Variants in NCALD observed in about 807,000 individuals in gnomAD.
NCALD encodes neurocalcin delta, also known as neurocalcin-delta.
In NCALD, 10 loss-of-function variants were observed where a neutral mutation model predicts 18.6. That is an observed-to-expected ratio of 0.54 (90% CI 0.33 to 0.91). The LOEUF (loss-of-function observed/expected upper bound fraction) is 0.91. Among genes scored for constraint, NCALD ranks in the 40% least tolerant of loss-of-function variants. The pLI is 0.03. For synonymous variants in NCALD, 88 were observed against 87.4 expected (o/e 1.01, Z -0.04); for missense variants, 184 against 247.6 (o/e 0.74, Z 1.72).
chr8:101,988,276 GAA>G (rs1474614035), intron 2 of NCALD, among the ~76,000 whole-genome samples: 1 of 151,566 alleles, frequency 6.6e-6, no homozygotes, highest in Admixed American at 6.6e-5. Flanking sequence ...TGGAAAATCT[GAA>G]AAGTGTTATA....
At chr8:101,744,907 G>C (rs192893120) in intron 1 of NCALD, among the ~76,000 whole-genome samples, 1 of 152,110 alleles carries the variant, frequency 6.6e-6, no homozygotes, top group East Asian at 1.9e-4. Flanking sequence ...GAGAAATCCT[G>C]ACTTAAATAA....
At chr8:101,937,426 TA>T (rs1422330450) in intron 2 of NCALD, among the ~76,000 whole-genome samples, 1 of 152,172 alleles carries the variant, frequency 6.6e-6, no homozygotes, top group African/African-American at 2.4e-5. Flanking sequence ...CACTTATAAG[TA>T]AAAATGTGGC....
intron 2 of NCALD, among the ~76,000 whole-genome samples, chr8:101,964,355 C>A (rs1819945432): frequency 6.6e-6 from 1 of 152,032 alleles, no homozygotes; most frequent in Non-Finnish European, 1.5e-5. Context: ...AACCAATAAC[C>A]CTCTGATTTC....
chr8:101,951,508 C>A (rs1290616141), intron 2 of NCALD, among the ~76,000 whole-genome samples: 2 of 152,188 alleles, frequency 1.3e-5, no homozygotes, highest in Non-Finnish European at 1.5e-5. Flanking sequence ...AGACTTCCTG[C>A]TCAACTCTGC....
intron 2 of NCALD, among the ~76,000 whole-genome samples, chr8:101,923,106 T>C (rs1014979775): frequency 6.6e-6 from 1 of 152,172 alleles, no homozygotes; most frequent in African/African-American, 2.4e-5. Context: ...CATTTGGCCC[T>C]TTTTGTCCTT....
intron 2 of NCALD, among the ~76,000 whole-genome samples, chr8:101,696,371 C>T (rs866873108): frequency 4.6e-5 from 7 of 152,116 alleles, no homozygotes; most frequent in African/African-American, 1.4e-4. Context: ...GAGTGCATGG[C>T]TTCTGTGATG....
At chr8:101,870,909 C>CCCCCCA (rs1554649158) in intron 4 of NCALD, among the ~76,000 whole-genome samples, 2 of 81,482 alleles carry the variant, frequency 2.5e-5, no homozygotes, top group Non-Finnish European at 4.6e-5. Flanking sequence ...CCCCCCCCCC[C>CCCCCCA]AAAAAAAGAG....
At chr8:101,729,599 G>A (rs1816726788) in intron 1 of NCALD, among the ~76,000 whole-genome samples, 1 of 152,146 alleles carries the variant, frequency 6.6e-6, no homozygotes, top group Admixed American at 6.5e-5. Context: ...GACGTGACTG[G>A]GTTTGAGATG....
rs192147875 is a variant in NCALD at position 101,936,074 on chromosome 8, T to G, written c.-156-20216A>C. ...AATCTGTGGAAGTTCTTTGATTGCC[T>G]CATCTCCATGAGGGAGGCAAGGCCA... On this transcript the variant is annotated intron_variant, in intron 2 of 6. Coordinates refer to the NCALD transcript ENST00000311028. 4.7e-3 allele frequency among the ~76,000 whole-genome samples: 718 copies of G among 152,188 alleles called. 7 individuals are homozygous for G. The highest frequency in any genetic ancestry group is 8.1e-3 in the Non-Finnish European group (550 of 68,002).
intron 4 of NCALD, among the ~76,000 whole-genome samples, chr8:101,805,431 C>G (rs1813063290): frequency 6.6e-6 from 1 of 152,162 alleles, no homozygotes; most frequent in African/African-American, 2.4e-5. Flanking sequence ...ATCCTCCATT[C>G]ATAAGGCAGA....
intron 4 of NCALD, among the ~76,000 whole-genome samples, chr8:101,810,149 C>T (rs1038383085): frequency 1.3e-5 from 2 of 152,140 alleles, no homozygotes; most frequent in Admixed American, 1.3e-4. Flanking sequence ...AGGACTCTTG[C>T]TGTGTTATAA....
At chr8:101,761,028 C>T (rs1476511968) in intron 1 of NCALD, among the ~76,000 whole-genome samples, 1 of 94,604 alleles carries the variant, frequency 1.1e-5, no homozygotes, top group African/African-American at 4.4e-5. Flanking sequence ...CGGGTGGGGG[C>T]GGGGGGAGGG....
chr8:101,741,936 CAAAAAAAAAAAAAAAAA>C (rs1810207884), intron 1 of NCALD, among the ~76,000 whole-genome samples: 1 of 76,136 alleles, frequency 1.3e-5, no homozygotes, highest in South Asian at 6.2e-4. Context: ...AAGCCTGTCT[CAAAAAAAAAAAAAAAAA>C]GAAAAGAAAA....
At chr8:101,698,465 T>C (rs1815105644) in intron 2 of NCALD, among the ~76,000 whole-genome samples, 2 of 152,128 alleles carry the variant, frequency 1.3e-5, no homozygotes, top group African/African-American at 2.4e-5. Flanking sequence ...GAAGAGCCTG[T>C]ATAGCCAAGA....
intron 1 of NCALD, among the ~76,000 whole-genome samples, chr8:101,752,168 T>C (rs962318522): frequency 2.6e-5 from 4 of 152,128 alleles, no homozygotes; most frequent in African/African-American, 9.7e-5. Flanking sequence ...AACAGTAAAA[T>C]ATATATAATT....
At chr8:101,966,113 C>T (rs1297739504) in intron 2 of NCALD, among the ~76,000 whole-genome samples, 1 of 150,630 alleles carries the variant, frequency 6.6e-6, no homozygotes, top group Non-Finnish European at 1.5e-5. Context: ...AAAAAAAGAA[C>T]ATTATTAGAT....
At chr8:101,734,277 C>T (rs1816978031) in intron 1 of NCALD, among the ~76,000 whole-genome samples, 2 of 152,226 alleles carry the variant, frequency 1.3e-5, no homozygotes, top group African/African-American at 4.8e-5. Context: ...TACACACTCA[C>T]CCTGCAGATC....
At chr8:101,694,219 G>C (rs1075791) in intron 2 of NCALD, 1 of 151,922 alleles carries the variant, frequency 6.6e-6, no homozygotes, top group Non-Finnish European at 1.5e-5. Context: ...AAATTTCAGA[G>C]AGTTCTGGAG....
rs139203753 is a variant in NCALD at position 101,813,776 on chromosome 8, A to G, written c.-20+73365T>C. ...TCTTTAAAATGGCTTTTATTATAGG[A>G]TTTGGTCCAGATTTTGCCAAAGAAA... On this transcript the variant is annotated intron_variant, in intron 4 of 6. Coordinates refer to the NCALD transcript ENST00000311028. Among the ~76,000 whole-genome samples the G allele has an allele frequency of 5.7e-3, 867 of 152,164 alleles. 11 individuals are homozygous for G. The highest frequency in any genetic ancestry group is 0.018 in the African/African-American group (763 of 41,528).
Sources: gnomAD v4.1 joint callset for allele counts (sites outside exome capture counted in the v4.1 genomes callset) on GRCh38, gnomAD v4.1.1 for gene constraint, MANE v1.5 for transcripts, NCBI Gene and HGNC (gene_info 2026-07-23, HGNC 2026-07-21) for gene names.